The following NME7 variants were observed in gnomAD, a reference collection of about 807,000 sequenced individuals.
NME7 encodes the protein NME/NM23 family member 7.
A neutral mutation model predicts 49.1 loss-of-function variants in NME7; 41 were observed. The observed-to-expected ratio is 0.83, with a 90% CI of 0.65 to 1.08. The LOEUF is 1.08. Ranked by LOEUF, NME7 falls within the 50% of genes least tolerant of loss-of-function variation. The pLI, the probability that NME7 is intolerant of heterozygous loss-of-function variation, is 0.00. For synonymous variants in NME7, 139 were observed against 150.6 expected, an observed-to-expected ratio of 0.92 and a Z score of 0.56; for missense variants, 423 against 463.4, an observed-to-expected ratio of 0.91 and a Z score of 0.80.
chr1:169,257,957 A>G (rs1649023130), intron 7 of NME7, among the ~76,000 whole-genome samples: 3 of 133,866 alleles, frequency 2.2e-5, no homozygotes, highest in Admixed American at 1.5e-4. Flanking sequence ...ATTCAAGACC[A>G]TGGATCCATT....
intron 7 of NME7, among the ~76,000 whole-genome samples, chr1:169,283,639 TG>T (rs1650135819): frequency 6.6e-6 from 1 of 152,232 alleles, no homozygotes; most frequent in Non-Finnish European, 1.5e-5. Flanking sequence ...AAGGCAGGTC[TG>T]GTGGTGACAA....
Position 169,275,878 on chromosome 1 carries a change from G to T in NME7, c.754+11425C>A, listed in dbSNP as rs547055167. On this transcript the variant is annotated intron_variant, in intron 7 of 11. Coordinates refer to ENST00000367811, the MANE Select transcript of NME7 (RefSeq NM_013330.5). Reference sequence around the variant, plus strand: ...ACATCCCATCAATACCTAATTTATTGAGAGTTTTTAGCATGAAGGGTTGTT... The same window carrying T: ...ACATCCCATCAATACCTAATTTATTTAGAGTTTTTAGCATGAAGGGTTGTT... Among the ~76,000 whole-genome samples the T allele has an allele frequency of 3.7e-5, 5 of 133,722 alleles. 2 individuals carry two copies. The South Asian group carries it at 6.9e-4, about 18-fold the overall frequency. The allele number at this position is 133,722 out of a possible 152,430, so 87.7% of individuals were successfully genotyped here.
chr1:169,323,495 C>T (rs564895059), intron 2 of NME7, among the ~76,000 whole-genome samples: 64 of 152,234 alleles, frequency 4.2e-4, no homozygotes, highest in African/African-American at 1.5e-3. Flanking sequence ...CTTCTTATTA[C>T]AAATTTAATA....
intron 10 of NME7, among the ~76,000 whole-genome samples, chr1:169,226,247 A>T (rs1647334401): frequency 6.6e-6 from 1 of 152,188 alleles, no homozygotes; most frequent in Non-Finnish European, 1.5e-5. Context: ...TTAAGGTGAG[A>T]TTACTATTTA....
At chr1:169,356,253 AC>A (rs2101984456) in intron 1 of NME7, among the ~76,000 whole-genome samples, 1 of 152,254 alleles carries the variant, frequency 6.6e-6, no homozygotes, top group East Asian at 1.9e-4. Flanking sequence ...AAAATAGAAA[AC>A]ATTCTCTAAG....
intron 3 of NME7, among the ~76,000 whole-genome samples, chr1:169,317,391 T>C (rs1253508945): frequency 1.3e-5 from 2 of 152,242 alleles, no homozygotes; most frequent in African/African-American, 4.8e-5. Context: ...AATTTAATAA[T>C]GAGAAGGCAT....
rs144165947 is a variant in NME7, at chr1:169,366,050, G to T, written c.3+1658C>A. Among the ~76,000 whole-genome samples the T allele has an allele frequency of 9.8e-5, 15 of 152,320 alleles. No individual in the cohort carries two copies. The East Asian group carries it at 2.9e-3, about 29-fold the overall frequency. On this transcript the variant is annotated intron_variant, in intron 1 of 11. Coordinates refer to ENST00000367811, the MANE Select transcript of NME7 (RefSeq NM_013330.5). Reference sequence around the variant, plus strand: ...CTGAGTTAGGCATTAGTAGATCTGAGAGGAAAATTGAAATTTAGAAGCAAA... The same window carrying T: ...CTGAGTTAGGCATTAGTAGATCTGATAGGAAAATTGAAATTTAGAAGCAAA...
Position 169,218,659 on chromosome 1 carries a change from A to ATT in NME7, c.990+12057_990+12058dup, listed in dbSNP as rs34342694. Among the ~76,000 whole-genome samples the ATT allele has an allele frequency of 9.1e-3, 1,076 of 118,132 alleles. 9 individuals are homozygous for ATT. Among genetic ancestry groups the ATT allele is most frequent in the East Asian group, 0.022 (82 of 3,766 alleles). 77.5% of individuals were successfully genotyped at this position (118,132 alleles called of 152,430 possible). On this transcript the variant is annotated intron_variant, in intron 10 of 11. Coordinates refer to ENST00000367811, the MANE Select transcript of NME7 (RefSeq NM_013330.5). ...ATTTAAAAAATTTTTCCAATTTTGA[A>ATT]TTTTTTTTTTTTTTTTTTTTTTTTA... is the stretch of plus-strand genomic sequence containing the variant.
chr1:169,210,914 T>A (rs559321311), intron 10 of NME7, among the ~76,000 whole-genome samples: 1 of 152,232 alleles, frequency 6.6e-6, no homozygotes, highest in South Asian at 2.1e-4. Flanking sequence ...TAAATAAGAC[T>A]TTTAGGTATA....
chr1:169,147,641 T>C (rs1658797289), intron 11 of NME7, among the ~76,000 whole-genome samples: 1 of 152,052 alleles, frequency 6.6e-6, no homozygotes, highest in Non-Finnish European at 1.5e-5. Flanking sequence ...TAAGAAAGAG[T>C]TAATGCAAAT....
chr1:169,235,658 G>T (rs568624420), intron 8 of NME7, among the ~76,000 whole-genome samples: 4 of 152,024 alleles, frequency 2.6e-5, no homozygotes, highest in African/African-American at 9.7e-5. Flanking sequence ...TAGATTAGTG[G>T]CACAAGAAAG....
intron 3 of NME7, among the ~76,000 whole-genome samples, chr1:169,319,393 T>C (rs1244854542): frequency 6.6e-6 from 1 of 152,170 alleles, no homozygotes; most frequent in Non-Finnish European, 1.5e-5. Context: ...TTTTAAAAAA[T>C]TATCAATTAA....
At chr1:169,356,960 G>A (rs1307721263) in intron 1 of NME7, among the ~76,000 whole-genome samples, 1 of 152,176 alleles carries the variant, frequency 6.6e-6, no homozygotes, top group Non-Finnish European at 1.5e-5. Context: ...CGTTCTTTCA[G>A]TCATTAGCCT....
At chr1:169,195,076 T>C (rs915119061) in intron 10 of NME7, among the ~76,000 whole-genome samples, 20 of 152,210 alleles carry the variant, frequency 1.3e-4, no homozygotes, top group Non-Finnish European at 2.6e-4. Flanking sequence ...AACATGTTTT[T>C]TGCATTATAT....
At chr1:169,287,671 G>A (rs1013029243) in intron 6 of NME7, among the ~76,000 whole-genome samples, 2 of 151,934 alleles carry the variant, frequency 1.3e-5, no homozygotes, top group Non-Finnish European at 2.9e-5. Context: ...GAATATAGTG[G>A]ACAAAGATTT....
intron 10 of NME7, among the ~76,000 whole-genome samples, chr1:169,221,683 T>A (rs1661143988): frequency 6.6e-6 from 1 of 151,330 alleles, no homozygotes; most frequent in Non-Finnish European, 1.5e-5. Flanking sequence ...ATAAATATAT[T>A]TATATATATT....
intron 7 of NME7, among the ~76,000 whole-genome samples, chr1:169,278,062 A>T (rs922923519): frequency 2.0e-5 from 3 of 151,790 alleles, no homozygotes; most frequent in African/African-American, 7.3e-5. Context: ...ATCCGCTGTT[A>T]GTCTGATGGG....
intron 10 of NME7, among the ~76,000 whole-genome samples, chr1:169,176,465 A>G (rs1294737952): frequency 6.6e-6 from 1 of 152,162 alleles, no homozygotes; most frequent in Non-Finnish European, 1.5e-5. Context: ...CAGGCTTCAC[A>G]TCTCACTTTT....
intron 11 of NME7, among the ~76,000 whole-genome samples, chr1:169,162,598 C>T (rs1320286070): frequency 6.6e-6 from 1 of 152,026 alleles, no homozygotes. Context: ...AATCCCAAAA[C>T]GGTGGGAGGC....
Sources: allele counts gnomAD v4.1 joint callset (sites outside exome capture counted in the v4.1 genomes callset), GRCh38; gene constraint gnomAD v4.1.1; transcripts MANE v1.5; gene names NCBI Gene and HGNC (gene_info 2026-07-23, HGNC 2026-07-21).